The following ARHGDIB variants were observed in gnomAD, a reference collection of about 807,000 sequenced individuals.
ARHGDIB encodes rho GDP-dissociation inhibitor 2.
Under a neutral mutation model 22.6 loss-of-function variants are expected in ARHGDIB, and 20 were observed. That is an observed-to-expected ratio of 0.88 (90% CI 0.62 to 1.28). The LOEUF (loss-of-function observed/expected upper bound fraction) is 1.28. Ranked by LOEUF, ARHGDIB falls within the 50% of genes most tolerant of loss-of-function variation. The probability of loss-of-function intolerance (pLI) is 0.00; values close to 1 mark genes in which losing one functional copy is unlikely to be tolerated. For missense variants in ARHGDIB, 254 were observed against 245.4 expected (o/e 1.04, Z -0.23); for synonymous variants, 114 against 96.1 (o/e 1.19, Z -1.09).
intron 1 of ARHGDIB, among the ~76,000 whole-genome samples, chr12:14,956,771 T>C (rs371341260): frequency 5.2e-4 from 79 of 152,306 alleles, no homozygotes; most frequent in African/African-American, 1.9e-3. Context: ...ATCCTCATGT[T>C]TGCTACTCAG....
In ARHGDIB at chr12:14,950,728, G is replaced by A. The variant is rs755804305; in HGVS notation, c.-12-4C>T. 17 of 1,586,608 alleles carry A rather than the reference G, an allele frequency of 1.1e-5. No homozygotes were observed. Among genetic ancestry groups the A allele is most frequent in the Non-Finnish European group, 1.5e-5 (17 of 1,169,684 alleles). On this transcript the variant is annotated splice_region_variant and splice_polypyrimidine_tract_variant and intron_variant, in intron 1 of 5. Coordinates refer to ENST00000228945, the MANE Select transcript of ARHGDIB (RefSeq NM_001175.7). ...TTTCAGTCATTCTGATCTATTTCTG[G>A]GAGACAGAATGACAGCCCGTTAGTC...
At chr12:14,948,865 C>A (rs1267103701) in intron 3 of ARHGDIB, 1 of 152,440 alleles carries the variant, frequency 6.6e-6, no homozygotes, top group East Asian at 1.9e-4. Flanking sequence ...GGAGAGATGT[C>A]AGCATGTCGG....
At chr12:14,953,948 T>G (rs765319782) in intron 1 of ARHGDIB, among the ~76,000 whole-genome samples, 1 of 150,036 alleles carries the variant, frequency 6.7e-6, no homozygotes, top group Non-Finnish European at 1.5e-5. Context: ...CTTCCTTCCT[T>G]TCTTCTTTCC....
At chr12:14,942,747 G>A (rs1054303003) in intron 5 of ARHGDIB, 26 bp from the exon 6 acceptor site, 2 of 1,605,510 alleles carry the variant, frequency 1.2e-6, no homozygotes, top group Non-Finnish European at 1.7e-6. Context: ...AGTTCATTAG[G>A]GTAAGAGCCT....
At position 14,950,527 on chromosome 12, in the gene ARHGDIB, C is replaced by T. The variant is rs1354021954; in HGVS notation, c.181+5G>A. On this transcript the variant is annotated splice_donor_5th_base_variant and intron_variant, in intron 2 of 5. Transcript: ENST00000228945. ...CCACCCACCCTGTTCTCTGTACACA[C>T]ATACCTGTCACCACAGGACCATCTC... The T allele has an allele frequency of 6.2e-7, 1 of 1,610,604 alleles. No individual in the cohort carries two copies. Among genetic ancestry groups the T allele is most frequent in the Non-Finnish European group, 8.5e-7 (1 of 1,178,086 alleles).
intron 4 of ARHGDIB, among the ~76,000 whole-genome samples, chr12:14,945,100 A>G (rs956619086): frequency 2.0e-5 from 3 of 152,216 alleles, no homozygotes; most frequent in African/African-American, 7.2e-5. Flanking sequence ...GGAGTGGTTC[A>G]TTAAAACATT....
chr12:14,955,409 G>A lies in ARHGDIB; in HGVS notation c.-12-4685C>T, dbSNP rs572624597. Among the ~76,000 whole-genome samples, 36 of 152,160 alleles carry A rather than the reference G, an allele frequency of 2.4e-4. No homozygotes were observed. In the South Asian group the frequency reaches 7.3e-3, roughly 31 times the overall value. On this transcript the variant is annotated intron_variant, in intron 1 of 5. Coordinates refer to ENST00000228945, the MANE Select transcript of ARHGDIB (RefSeq NM_001175.7). ...CATGTATTAACAAGAGATTGATATC[G>A]GGAATACATAAATACCTCCTATGAA...
Position 14,950,576 on chromosome 12 carries a change from A to T in ARHGDIB, c.137T>A (p.Ile46Asn). 6.2e-7 allele frequency: 1 copy of T among 1,613,954 alleles called. No homozygotes were observed. The highest frequency in any genetic ancestry group is 8.5e-7 in the Non-Finnish European group (1 of 1,179,920). The change falls in exon 2 of 6, where the codon ATT becomes AAT. Residue 46 changes from isoleucine to asparagine, a missense_variant. By Grantham distance (149) the Ile-to-Asn change is moderately radical (BLOSUM62 -3). Transcript: ENST00000228945. ...QEMDKDDESL[I>N]KYKKTLLGDG... is the part of the protein sequence containing the mutation. ...TCCCAGCAGCGTTTTCTTGTACTTA[A>T]TTAGACTCTCATCATCTTTGTCCAT...
In ARHGDIB at chr12:14,944,692, T is replaced by C. The variant is rs1052430014; in HGVS notation, c.406+84A>G. 466 of 1,334,606 alleles carry C rather than the reference T, an allele frequency of 3.5e-4. 1 individual carries two copies. Among genetic ancestry groups the C allele is most frequent in the Non-Finnish European group, 4.6e-5 (43 of 943,852 alleles). The allele number at this position is 1,334,606 out of a possible 1,614,324, so 82.7% of individuals were successfully genotyped here. The stretch of plus-strand genomic sequence containing the variant: ...CTTTTATTGTATTCTCATCTGAGTC[T>C]ATAGCTAAAAGTTGCTAATAACCAG... On this transcript the variant is annotated intron_variant, in intron 5 of 5. Coordinates refer to ENST00000228945, the MANE Select transcript of ARHGDIB (RefSeq NM_001175.7).
chr12:14,943,140 T>A (rs1863914180), intron 5 of ARHGDIB, among the ~76,000 whole-genome samples: 2 of 152,200 alleles, frequency 1.3e-5, no homozygotes, highest in Admixed American at 1.3e-4. Flanking sequence ...AGTACTGGGA[T>A]TACAGGTGTG....
chr12:14,954,915 G>A (rs73058124), intron 1 of ARHGDIB, among the ~76,000 whole-genome samples: 1,848 of 152,116 alleles, frequency 0.012, 16 homozygotes, highest in Middle Eastern at 0.027. Flanking sequence ...ATCGATGTGT[G>A]TCCCTAAACA....
chr12:14,949,689 C>A, intron 3 of ARHGDIB, 113 bp downstream of exon 3: 2 of 919,364 alleles, frequency 2.2e-6, no homozygotes, highest in South Asian at 1.3e-5. Flanking sequence ...CTGGTCCTAG[C>A]ATATATATCT....
At chr12:14,961,155 G>C (rs139661521) in intron 1 of ARHGDIB, 1 of 152,220 alleles carries the variant, frequency 6.6e-6, no homozygotes, top group African/African-American at 2.4e-5. Context: ...AGCACAGACC[G>C]TATCATTTTG....
intron 1 of ARHGDIB, among the ~76,000 whole-genome samples, chr12:14,955,552 C>CT (rs1015956220): frequency 6.6e-6 from 1 of 151,996 alleles, no homozygotes; most frequent in Admixed American, 6.5e-5. Flanking sequence ...ATCTCACCCA[C>CT]TTTTTTTTGT....
chr12:14,944,706 G>A (rs1403203714), intron 5 of ARHGDIB, 70 bp downstream of exon 5: 6 of 1,459,368 alleles, frequency 4.1e-6, no homozygotes, highest in Non-Finnish European at 5.7e-6. Context: ...GCTAAAAGTT[G>A]CTAATAACCA....
chr12:14,946,232 G>C (rs1271279256), intron 4 of ARHGDIB, among the ~76,000 whole-genome samples: 1 of 152,214 alleles, frequency 6.6e-6, no homozygotes, highest in Non-Finnish European at 1.5e-5. Context: ...AGCTGTGGAA[G>C]TCAGAGATAC....
chr12:14,952,626 A>T (rs4763407), intron 1 of ARHGDIB, among the ~76,000 whole-genome samples: 38,468 of 152,096 alleles, frequency 0.25, 4,920 homozygotes, highest in Middle Eastern at 0.31. Context: ...AGGTTGTGGG[A>T]AATTTAATGA....
chr12:14,950,967 A>G (rs1034461842), intron 1 of ARHGDIB: 1 of 316,156 alleles, frequency 3.2e-6, no homozygotes, highest in Non-Finnish European at 5.8e-6. Flanking sequence ...ACTGAACAAA[A>G]CTGACAAGAA....
Position 14,956,732 on chromosome 12 carries a change from C to G in ARHGDIB, c.-13+4805G>C, listed in dbSNP as rs146073345. Among the ~76,000 whole-genome samples, 451 of 152,312 alleles carry G rather than the reference C, an allele frequency of 3.0e-3. 9 individuals are homozygous for G. In the South Asian group the frequency reaches 0.052, roughly 17 times the overall value. The stretch of plus-strand genomic sequence containing the variant: ...ATTTTCTGCTTCACAGATGCGCATA[C>G]AGATTAACTTTCACATTGGAGGCCT... On this transcript the variant is annotated intron_variant, in intron 1 of 5. Coordinates refer to ENST00000228945, the MANE Select transcript of ARHGDIB (RefSeq NM_001175.7).
Sources: allele counts gnomAD v4.1 joint callset (sites outside exome capture counted in the v4.1 genomes callset), GRCh38; gene constraint gnomAD v4.1.1; transcripts MANE v1.5; gene names NCBI Gene and HGNC (gene_info 2026-07-23, HGNC 2026-07-21).